Variants in RHBDF1 observed in about 807,000 individuals in gnomAD.
The protein encoded by RHBDF1 is inactive rhomboid protein 1.
RHBDF1 carries 80 observed loss-of-function variants against 98.6 expected under a neutral mutation model. That is an observed-to-expected ratio of 0.81 (90% confidence interval 0.68 to 0.98). The LOEUF is 0.98. Ranked by LOEUF, RHBDF1 falls within the 50% of genes least tolerant of loss-of-function variation. The pLI is 0.00. For synonymous variants in RHBDF1, 512 were observed against 486.8 expected (o/e 1.05, Z -0.68); for missense variants, 1,116 against 1,198.3 (o/e 0.93, Z 1.01).
intron 1 of RHBDF1, among the ~76,000 whole-genome samples, chr16:71,277 A>C (rs1567119513): frequency 6.6e-6 from 1 of 152,170 alleles, no homozygotes; most frequent in Non-Finnish European, 1.5e-5. Context: ...AGGCCCCTTC[A>C]ATCTGGCACC....
At chr16:70,117 A>T (rs1319399758) in intron 1 of RHBDF1, among the ~76,000 whole-genome samples, 1 of 152,168 alleles carries the variant, frequency 6.6e-6, no homozygotes, top group Admixed American at 6.5e-5. Context: ...CATGGCAGAC[A>T]CACCCAGGAA....
Position 59,780 on chromosome 16 carries a change from A to G in RHBDF1, c.1769T>C (p.Met590Thr), listed in dbSNP as rs1485536568. ...GGGCCGTCCTGTGATGACACAGTCC[A>G]TGTGGGGATGGTTGGTGTGGTTCCC... is the stretch of plus-strand genomic sequence containing the variant. ...SAGNHTNHPH[M>T]DCVITGRPCC... is the part of the protein sequence containing the mutation. Residue 590 changes from methionine (M) to threonine (T), a missense_variant, in exon 14 of 18, where the codon ATG (methionine) becomes ACG (threonine). Met to Thr is a moderately conservative substitution (Grantham distance 81, BLOSUM62 -1). Coordinates refer to ENST00000262316, the MANE Select transcript of RHBDF1 (RefSeq NM_022450.5). The G allele has an allele frequency of 4.3e-6, 7 of 1,614,142 alleles. No individual in the cohort carries two copies. Among genetic ancestry groups the G allele is most frequent in the East Asian group, 2.2e-5 (1 of 44,884 alleles).
upstream of RHBDF1, chr16:73,964 T>C (rs932501460): frequency 1.0e-6 from 1 of 985,186 alleles, no homozygotes; most frequent in Non-Finnish European, 1.2e-6. Flanking sequence ...CATATCCTTG[T>C]CCATGCCACG....
Position 58,447 on chromosome 16 carries a change from G to A in RHBDF1, c.2461C>T (p.Leu821Phe). Reference sequence around the variant, plus strand: ...CAGCGGACAGGATAGACGTAGAAGAGGACCACCAGGCCAGCCAGGAGGCCC... The same window carrying A: ...CAGCGGACAGGATAGACGTAGAAGAAGACCACCAGGCCAGCCAGGAGGCCC... ...FLGLLAGLVV[L>F]FYVYPVRCEW... is the part of the protein sequence containing the mutation. Residue 821 changes from leucine to phenylalanine, a missense_variant, in exon 18 of 18, where the codon CTC (leucine) becomes TTC (phenylalanine). By Grantham distance (22) the Leu-to-Phe change is conservative. Coordinates refer to ENST00000262316, the MANE Select transcript of RHBDF1 (RefSeq NM_022450.5). 1 of 1,614,072 alleles carries A rather than the reference G, an allele frequency of 6.2e-7. No individual in the cohort carries two copies. Among genetic ancestry groups the A allele is most frequent in the Non-Finnish European group, 8.5e-7 (1 of 1,180,038 alleles).
chr16:68,874 G>A (rs1458269750), intron 1 of RHBDF1, among the ~76,000 whole-genome samples: 3 of 152,222 alleles, frequency 2.0e-5, no homozygotes, highest in African/African-American at 7.2e-5. Context: ...GGTGCAGGGA[G>A]AGCCAGAAAG....
chr16:60,968 A>C, intron 11 of RHBDF1, 152 bp downstream of exon 11: 1 of 775,000 alleles, frequency 1.3e-6, no homozygotes, highest in East Asian at 2.8e-5. Flanking sequence ...GAGGGTGGGG[A>C]TGAGGAGGAA....
At chr16:60,899 A>G (rs759236898) in intron 11 of RHBDF1, 1 of 596,510 alleles carries the variant, frequency 1.7e-6, no homozygotes, top group Non-Finnish European at 2.9e-6. Flanking sequence ...GGAAGAGTAC[A>G]CCCAAATCAA....
At chr16:69,895 G>C (rs1460494570) in intron 1 of RHBDF1, among the ~76,000 whole-genome samples, 1 of 151,746 alleles carries the variant, frequency 6.6e-6, no homozygotes, top group African/African-American at 2.4e-5. Context: ...GACAGAACAA[G>C]AGGTTCCCTG....
At chr16:74,061 C>G (rs535936457), upstream of RHBDF1, 1 of 516,178 alleles carries the variant, frequency 1.9e-6, no homozygotes, top group East Asian at 1.5e-4. Flanking sequence ...ACAATGGAAG[C>G]TTTGGAGGGG....
intron 1 of RHBDF1, among the ~76,000 whole-genome samples, chr16:66,966 C>T (rs1413453039): frequency 1.3e-5 from 2 of 152,244 alleles, no homozygotes; most frequent in South Asian, 4.1e-4. Context: ...CTGCATCTGA[C>T]TCGTGACCCA....
At position 61,238 on chromosome 16, in the gene RHBDF1, C is replaced by T. The variant is rs749838921; in HGVS notation, c.1439G>A (p.Arg480His). Residue 480 changes from arginine (R) to histidine (H), a missense_variant, in exon 11 of 18, where the codon CGC (arginine) becomes CAC (histidine). By Grantham distance (29) the Arg-to-His change is conservative (BLOSUM62 0). Transcript: ENST00000262316. ...HLGAKFSPCM[R>H]QDPQVHSFIR... is the part of the protein sequence containing the mutation. ...GAAGCTGTGCACCTGCGGGTCCTGGCGCATGCAGGGCGAAAACTTGGCGCC... is the reference window on the plus strand; with the variant it reads ...GAAGCTGTGCACCTGCGGGTCCTGGTGCATGCAGGGCGAAAACTTGGCGCC... 2.6e-6 allele frequency: 4 copies of T among 1,545,834 alleles called. No individual in the cohort carries two copies. Among genetic ancestry groups the T allele is most frequent in the Non-Finnish European group, 3.5e-6 (4 of 1,144,856 alleles).
At position 65,039 on chromosome 16, in the gene RHBDF1, C is replaced by A; in HGVS notation, c.-24G>T. ...ATGGTTCCTGGCAGAGCAAGGCAGG[C>A]CTGCGGGGCATGGTGTGTTATTCAA... On this transcript the variant is annotated splice_region_variant and 5_prime_UTR_variant, in exon 2 of 18. Coordinates refer to ENST00000262316, the MANE Select transcript of RHBDF1 (RefSeq NM_022450.5). 1 of 1,502,316 alleles carries A rather than the reference C, an allele frequency of 6.7e-7. No homozygotes were observed. Among genetic ancestry groups the A allele is most frequent in the East Asian group, 2.3e-5 (1 of 43,668 alleles). The allele number at this position is 1,502,316 out of a possible 1,614,324, so 93.1% of individuals were successfully genotyped here. A position where few individuals can be genotyped will look rare whatever the true frequency, so the allele number is the denominator to read the frequency against.
chr16:63,637 C>T lies in RHBDF1; in HGVS notation c.412G>A (p.Glu138Lys), dbSNP rs987374376. The T allele has an allele frequency of 3.6e-5, 58 of 1,597,658 alleles. No individual in the cohort carries two copies. The highest frequency in any genetic ancestry group is 4.8e-5 in the Non-Finnish European group (56 of 1,172,234). ...CCCACGTAGAGTGGGGGTGGCGTCTCGGTGCTGGTCAGCGACACGTTGTCC... is the reference window on the plus strand; with the variant it reads ...CCCACGTAGAGTGGGGGTGGCGTCTTGGTGCTGGTCAGCGACACGTTGTCC... ...SQDNVSLTSTETPPPLYVGPC... is the reference protein window; with the variant it reads ...SQDNVSLTSTKTPPPLYVGPC... The change falls in exon 4 of 18, where the codon GAG (glutamate) becomes AAG (lysine). Residue 138 changes from glutamate (E) to lysine (K), a missense_variant. Glu to Lys is a moderately conservative substitution (Grantham distance 56). Transcript: ENST00000262316.
upstream of RHBDF1, among the ~76,000 whole-genome samples, chr16:75,403 C>T (rs909523246): frequency 6.6e-6 from 1 of 152,224 alleles, no homozygotes; most frequent in Non-Finnish European, 1.5e-5. Flanking sequence ...CACAAGTAAT[C>T]ACCCAAGGGG....
chr16:59,075 G>C lies in RHBDF1; in HGVS notation c.2047C>G (p.Leu683Val). 6.2e-7 allele frequency: 1 copy of C among 1,613,642 alleles called. No homozygotes were observed. Among genetic ancestry groups the C allele is most frequent in the Non-Finnish European group, 8.5e-7 (1 of 1,180,034 alleles). ...ICFQMTVLRD[L>V]EKLAGWHRIA... The stretch of plus-strand genomic sequence containing the variant: ...CGGTGCCAGCCTGCCAGCTTCTCCA[G>C]GTCCCGCAGGACAGTCATCTGGAAG... The change falls in exon 17 of 18, where the codon CTG (leucine) becomes GTG (valine). Residue 683 changes from leucine to valine, a missense_variant. Physicochemically the swap from Leu to Val is conservative, Grantham distance 32 (BLOSUM62 1). Transcript: ENST00000262316.
rs766050898 is a variant in RHBDF1 at position 61,266 on chromosome 16, G to A, written c.1411C>T (p.Leu471=). Residue 471 remains leucine, a synonymous_variant, in exon 11 of 18, where the codon CTG becomes TTG. Coordinates refer to ENST00000262316, the MANE Select transcript of RHBDF1 (RefSeq NM_022450.5). ...ATGCAGGGCGAAAACTTGGCGCCCA[G>A]GTGGATGAGGGCCTCCTGCGGGCGA... ...IGPSSEALIH[L]GAKFSPCMRQ... 1.3e-5 allele frequency: 20 copies of A among 1,544,436 alleles called. No homozygotes were observed. Among genetic ancestry groups the A allele is most frequent in the Non-Finnish European group, 1.6e-5 (18 of 1,143,828 alleles).
At chr16:64,558 G>T in intron 3 of RHBDF1, 141 bp downstream of exon 3, 1 of 1,544,630 alleles carries the variant, frequency 6.5e-7, no homozygotes, top group Non-Finnish European at 8.7e-7. Context: ...CAGGAGGAGG[G>T]CAAGGGGATG....
rs1897688650 is a variant in RHBDF1, at chr16:62,813, C to T, written c.757G>A (p.Asp253Asn). The part of the protein sequence containing the change: ...PASFLEEDTT[D>N]FPDELDTSFF... ...GATGTGTCCAGCTCATCGGGGAAATCAGTTGTGTCCTCCTCCAGAAAGCTA... is the reference window on the plus strand; with the variant it reads ...GATGTGTCCAGCTCATCGGGGAAATTAGTTGTGTCCTCCTCCAGAAAGCTA... Residue 253 changes from aspartate to asparagine, a missense_variant, in exon 6 of 18, where the codon GAT becomes AAT. By Grantham distance (23) the Asp-to-Asn change is conservative. Coordinates refer to ENST00000262316, the MANE Select transcript of RHBDF1 (RefSeq NM_022450.5). The T allele has an allele frequency of 1.2e-6, 2 of 1,614,058 alleles. No individual in the cohort carries two copies. The highest frequency in any genetic ancestry group is 1.7e-6 in the Non-Finnish European group (2 of 1,180,020).
chr16:75,495 C>T (rs1017011730), upstream of RHBDF1, among the ~76,000 whole-genome samples: 2 of 152,186 alleles, frequency 1.3e-5, no homozygotes, highest in African/African-American at 4.8e-5. Context: ...GGGCCCATGA[C>T]CAGCTCCTGG....
Sources: allele counts gnomAD v4.1 joint callset (sites outside exome capture counted in the v4.1 genomes callset), GRCh38; gene constraint gnomAD v4.1.1; transcripts MANE v1.5; gene names NCBI Gene and HGNC (gene_info 2026-07-23, HGNC 2026-07-21).